The following DEUP1 variants were observed in gnomAD, a reference collection of about 807,000 sequenced individuals.
The protein encoded by DEUP1 is coiled-coil domain containing 67.
In DEUP1, 82 loss-of-function variants were observed where a neutral mutation model predicts 87.4. That is an observed-to-expected ratio of 0.94 (90% CI 0.78 to 1.13). The LOEUF is 1.13. Ranked by LOEUF, DEUP1 falls within the 50% of genes most tolerant of loss-of-function variation. The pLI is 0.00. For missense variants in DEUP1, 663 were observed against 681.5 expected (o/e 0.97, Z 0.30); for synonymous variants, 214 against 222.7 (o/e 0.96, Z 0.35).
intron 13 of DEUP1, among the ~76,000 whole-genome samples, chr11:93,417,290 C>T (rs1345897628): frequency 1.3e-5 from 2 of 150,900 alleles, no homozygotes; most frequent in East Asian, 3.9e-4. Flanking sequence ...CCCATTGTCT[C>T]TGCCCAAAAT....
intron 2 of DEUP1, among the ~76,000 whole-genome samples, chr11:93,342,773 GGTTTATCACT>G (rs1944144750): frequency 6.6e-6 from 1 of 152,150 alleles, no homozygotes; most frequent in Admixed American, 6.5e-5. Flanking sequence ...CTCGGACCAA[GGTTTATCACT>G]GTTTATGGTG....
rs574775167 is a variant in DEUP1 at position 93,356,866 on chromosome 11, A to G, written c.202-82A>G. The stretch of plus-strand genomic sequence containing the variant: ...GGTTTGGTACAGCCATTTTATTTGA[A>G]TTGTTCTTCTCTTTTGCACATTTTC... On this transcript the variant is annotated intron_variant, in intron 3 of 13. Coordinates refer to ENST00000298050, the MANE Select transcript of DEUP1 (RefSeq NM_181645.4). The G allele has an allele frequency of 4.8e-6, 4 of 828,836 alleles. No homozygotes were observed. In the South Asian group the frequency reaches 6.2e-5, roughly 13 times the overall value. The allele number at this position is 828,836 out of a possible 1,614,324, so 51.3% of individuals were successfully genotyped here.
At chr11:93,401,140 T>C (rs1429582096) in intron 11 of DEUP1, among the ~76,000 whole-genome samples, 1 of 152,184 alleles carries the variant, frequency 6.6e-6, no homozygotes, top group Non-Finnish European at 1.5e-5. Flanking sequence ...AGCATTTTTA[T>C]ATGTCAATAG....
chr11:93,354,145 C>T lies in DEUP1; in HGVS notation c.30-1226C>T, dbSNP rs546537135. Among the ~76,000 whole-genome samples the T allele has an allele frequency of 3.2e-4, 48 of 152,298 alleles. 1 individual carries two copies. Among genetic ancestry groups the T allele is most frequent in the Non-Finnish European group, 6.2e-4 (42 of 68,028 alleles). Reference sequence around the variant, plus strand: ...ATGCTTTGCTGCTTAGAAATTTCTTCTGCCAGATACCCTAAATCATCTCTC... The same window carrying T: ...ATGCTTTGCTGCTTAGAAATTTCTTTTGCCAGATACCCTAAATCATCTCTC... On this transcript the variant is annotated intron_variant, in intron 2 of 13. Coordinates refer to ENST00000298050, the MANE Select transcript of DEUP1 (RefSeq NM_181645.4).
intron 9 of DEUP1, 36 bp downstream of exon 9, chr11:93,389,161 A>G: frequency 1.8e-6 from 2 of 1,132,590 alleles, no homozygotes; most frequent in Middle Eastern, 1.9e-4. Flanking sequence ...TTCCAGGTAG[A>G]TGTGAACTCT....
At chr11:93,413,337 G>A (rs573752579) in intron 12 of DEUP1, among the ~76,000 whole-genome samples, 25 of 151,560 alleles carry the variant, frequency 1.6e-4, no homozygotes, top group Non-Finnish European at 3.4e-4. Context: ...CGCCTCCCGG[G>A]TTCACGCCAT....
At chr11:93,436,405 T>C (rs1399018300) in intron 13 of DEUP1, among the ~76,000 whole-genome samples, 1 of 152,238 alleles carries the variant, frequency 6.6e-6, no homozygotes, top group East Asian at 1.9e-4. Flanking sequence ...GGCCACCACA[T>C]GTGAATGCTA....
At chr11:93,401,041 G>A (rs1185209094) in intron 11 of DEUP1, among the ~76,000 whole-genome samples, 1 of 152,078 alleles carries the variant, frequency 6.6e-6, no homozygotes, top group Non-Finnish European at 1.5e-5. Flanking sequence ...CTTATGCTTA[G>A]AAAACCCTAA....
chr11:93,419,904 A>G, intron 13 of DEUP1, among the ~76,000 whole-genome samples: 1 of 151,972 alleles, frequency 6.6e-6, no homozygotes, highest in East Asian at 1.9e-4. Context: ...ACAGGCTCTG[A>G]AATTGTGGCA....
In DEUP1 at chr11:93,372,422, C is replaced by G. The variant is rs979951216; in HGVS notation, c.789+1142C>G. ...AGGTAAGGTCACTGCCTGAGAACTT[C>G]CATTTCATTTCCTTGAGATATACCA... On this transcript the variant is annotated intron_variant, in intron 7 of 13. Coordinates refer to ENST00000298050, the MANE Select transcript of DEUP1 (RefSeq NM_181645.4). 4.6e-5 allele frequency among the ~76,000 whole-genome samples: 7 copies of G among 152,272 alleles called. No homozygotes were observed. In the South Asian group the frequency reaches 1.2e-3, roughly 27 times the overall value.
chr11:93,436,188 C>T (rs908479729), intron 13 of DEUP1, among the ~76,000 whole-genome samples: 3 of 152,156 alleles, frequency 2.0e-5, no homozygotes, highest in African/African-American at 7.2e-5. Context: ...GTTTATCTTT[C>T]ACCTTCTGGA....
rs372865415 is a variant in DEUP1 at position 93,378,661 on chromosome 11, ATTACCAGAATTGTTTTTCTGGTTCCTTC to A, written c.790-6733_790-6706del. Among the ~76,000 whole-genome samples the A allele has an allele frequency of 4.6e-3, 706 of 152,172 alleles. 3 individuals are homozygous for A. The highest frequency in any genetic ancestry group is 0.016 in the African/African-American group (675 of 41,496). On this transcript the variant is annotated intron_variant, in intron 7 of 13. Coordinates refer to ENST00000298050, the MANE Select transcript of DEUP1 (RefSeq NM_181645.4). ...TTGCTGAAGAACCTTGTTTTGTCAT[ATTACCAGAATTGTTTTTCTGGTTCCTTC>A]TTATTTGGGTAGACTATGTCAGATG...
At chr11:93,351,928 A>G (rs1384767508) in intron 2 of DEUP1, among the ~76,000 whole-genome samples, 1 of 152,186 alleles carries the variant, frequency 6.6e-6, no homozygotes, top group African/African-American at 2.4e-5. Context: ...ACCTTATTGC[A>G]ATGGAGCAAA....
At chr11:93,331,680 T>C (rs919180810) in intron 1 of DEUP1, among the ~76,000 whole-genome samples, 5 of 152,236 alleles carry the variant, frequency 3.3e-5, no homozygotes, top group Admixed American at 3.3e-4. Flanking sequence ...GCGAACAACG[T>C]AGTACAAGCT....
intron 11 of DEUP1, among the ~76,000 whole-genome samples, chr11:93,405,647 T>C (rs1947249982): frequency 6.6e-6 from 1 of 152,018 alleles, no homozygotes; most frequent in African/African-American, 2.4e-5. Flanking sequence ...ATGAAATATG[T>C]AAACATTTTA....
At chr11:93,364,010 T>G in intron 4 of DEUP1, 150 bp from the exon 5 acceptor site, 1 of 601,524 alleles carries the variant, frequency 1.7e-6, no homozygotes, top group South Asian at 2.2e-5. Flanking sequence ...TAATAACTGG[T>G]TCTGTCTTCA....
At chr11:93,341,982 C>T (rs1015955087) in intron 2 of DEUP1, among the ~76,000 whole-genome samples, 3 of 152,046 alleles carry the variant, frequency 2.0e-5, no homozygotes, top group Admixed American at 6.6e-5. Context: ...CCAGCATCTT[C>T]GGGTTTTTCT....
chr11:93,437,475 G>A lies in DEUP1; in HGVS notation c.1639-68G>A. On this transcript the variant is annotated intron_variant, in intron 13 of 13. Transcript: ENST00000298050. ...TGACAGTATGTCAGGGATGAAGCAT[G>A]CCTGGAAATGGGAAGATTTTTTAAA... 3.3e-6 allele frequency: 4 copies of A among 1,210,368 alleles called. No individual in the cohort carries two copies. In the South Asian group the frequency reaches 6.0e-5, roughly 18 times the overall value. 75.0% of individuals were successfully genotyped at this position (1,210,368 alleles called of 1,614,324 possible).
At chr11:93,339,877 A>T (rs1404010686) in intron 2 of DEUP1, among the ~76,000 whole-genome samples, 1 of 152,208 alleles carries the variant, frequency 6.6e-6, no homozygotes, top group East Asian at 1.9e-4. Context: ...ACAGAGGCTG[A>T]GTCGAGAACC....
Sources: allele counts gnomAD v4.1 joint callset (sites outside exome capture counted in the v4.1 genomes callset), GRCh38; gene constraint gnomAD v4.1.1; transcripts MANE v1.5; gene names NCBI Gene and HGNC (gene_info 2026-07-23, HGNC 2026-07-21).